Variants in SAAL1 observed in about 807,000 individuals in gnomAD.
The protein encoded by SAAL1 is protein SAAL1.
In SAAL1, 42 loss-of-function variants were observed where a neutral mutation model predicts 59.8. The observed-to-expected ratio is 0.70, with a 90% confidence interval of 0.55 to 0.91. SAAL1 has a LOEUF of 0.91. Among genes scored for constraint, SAAL1 ranks in the 40% least tolerant of loss-of-function variants. The pLI, the probability that SAAL1 is intolerant of heterozygous loss-of-function variation, is 0.00. For synonymous variants in SAAL1, 191 were observed against 194.3 expected (o/e 0.98, Z 0.14); for missense variants, 542 against 561.1 (o/e 0.97, Z 0.34).
In SAAL1 at chr11:18,102,333, C is replaced by T. The variant is rs181193305; in HGVS notation, c.249+900G>A. ...AGGAGAATCACTTGAGCCCTCGAGG[C>T]GGAGATTGCAGTGAGCTGAGATCGC... is the stretch of plus-strand genomic sequence containing the variant. On this transcript the variant is annotated intron_variant, in intron 2 of 11. Coordinates refer to ENST00000524803, the MANE Select transcript of SAAL1 (RefSeq NM_138421.3). Among the ~76,000 whole-genome samples the T allele has an allele frequency of 5.3e-5, 8 of 150,094 alleles. 1 individual carries two copies. In the East Asian group the frequency reaches 1.2e-3, roughly 22 times the overall value.
chr11:18,089,451 G>A lies in SAAL1; in HGVS notation c.649C>T (p.Leu217=), dbSNP rs1848499676. The A allele has an allele frequency of 6.2e-7, 1 of 1,612,728 alleles. No individual in the cohort carries two copies. The highest frequency in any genetic ancestry group is 1.1e-5 in the South Asian group (1 of 90,744). The change falls in exon 7 of 12, where the codon CTA becomes TTA. Residue 217 remains leucine, a synonymous_variant. Coordinates refer to ENST00000524803, the MANE Select transcript of SAAL1 (RefSeq NM_138421.3). ...VDKLFDLDEK[L]MLEWVRNGAA... is the part of the protein sequence containing the mutation. ...CCATTTCTGACCCATTCTAACATTA[G>A]TTTCTCATCCAAATCAAAGAGCTTG...
At chr11:18,080,671 A>G (rs1848399673) in intron 11 of SAAL1, among the ~76,000 whole-genome samples, 180 bp from the exon 12 acceptor site, 1 of 152,200 alleles carries the variant, frequency 6.6e-6, no homozygotes, top group Non-Finnish European at 1.5e-5. Context: ...GGAAATGACT[A>G]TGCTTTCCCA....
intron 2 of SAAL1, among the ~76,000 whole-genome samples, chr11:18,100,086 G>A (rs1265259675): frequency 1.1e-4 from 16 of 152,140 alleles, no homozygotes; most frequent in Admixed American, 1.0e-3. Context: ...TTCACCCTAA[G>A]AGTTCATTTA....
At chr11:18,101,203 C>T (rs1422628034) in intron 2 of SAAL1, among the ~76,000 whole-genome samples, 1 of 152,146 alleles carries the variant, frequency 6.6e-6, no homozygotes, top group African/African-American at 2.4e-5. Flanking sequence ...TAAAAAACTG[C>T]TTAGGAAAAC....
At chr11:18,105,588 G>T (rs572036428) in intron 1 of SAAL1, among the ~76,000 whole-genome samples, 7 of 152,314 alleles carry the variant, frequency 4.6e-5, no homozygotes, top group Non-Finnish European at 1.0e-4. Flanking sequence ...AATGACAGTG[G>T]GGATGGGGAG....
chr11:18,105,862 C>G, intron 1 of SAAL1, 45 bp downstream of exon 1: 1 of 1,521,978 alleles, frequency 6.6e-7, no homozygotes, highest in South Asian at 1.3e-5. Flanking sequence ...GCCCCGGTGC[C>G]TGGGGGATGT....
chr11:18,099,026 G>A (rs190222506), intron 2 of SAAL1, among the ~76,000 whole-genome samples: 3 of 152,324 alleles, frequency 2.0e-5, no homozygotes, highest in African/African-American at 7.2e-5. Context: ...AAAAAGTGTA[G>A]CAACCTGCCC....
chr11:18,103,299 C>G lies in SAAL1; in HGVS notation c.183G>C (p.Gln61His). ...NTKSSSDDEE[Q>H]LTELDEEMEN... ...CCATTTCTTCATCAAGCTCCGTCAG[C>G]TGCTCCTCATCATCTGAGCTAGATT... Residue 61 changes from glutamine (Q) to histidine (H), a missense_variant, in exon 2 of 12, where the codon CAG (glutamine) becomes CAC (histidine). Coordinates refer to ENST00000524803, the MANE Select transcript of SAAL1 (RefSeq NM_138421.3). The G allele has an allele frequency of 6.2e-7, 1 of 1,614,006 alleles. No individual in the cohort carries two copies. Among genetic ancestry groups the G allele is most frequent in the Non-Finnish European group, 8.5e-7 (1 of 1,179,968 alleles).
In SAAL1 at chr11:18,080,344, G is replaced by A. The variant is rs1271761420; in HGVS notation, c.*55C>T. On this transcript the variant is annotated 3_prime_UTR_variant, in exon 12 of 12. Coordinates refer to ENST00000524803, the MANE Select transcript of SAAL1 (RefSeq NM_138421.3). The stretch of plus-strand genomic sequence containing the variant: ...TATTTCCAATAAGTCAATTTCAACT[G>A]TCAGTGAGAAAAATAAAGTTTATTT... The A allele has an allele frequency of 1.8e-6, 2 of 1,093,430 alleles. No homozygotes were observed. Among genetic ancestry groups the A allele is most frequent in the Middle Eastern group, 2.7e-4 (1 of 3,644 alleles). The allele number at this position is 1,093,430 out of a possible 1,614,324, so 67.7% of individuals were successfully genotyped here.
chr11:18,085,240 T>C (rs566310629), intron 9 of SAAL1, among the ~76,000 whole-genome samples: 12 of 152,268 alleles, frequency 7.9e-5, no homozygotes, highest in African/African-American at 2.6e-4. Context: ...AGTGATAAAA[T>C]ATATCTAACT....
chr11:18,097,700 G>T (rs534076274), intron 2 of SAAL1, among the ~76,000 whole-genome samples: 30 of 152,176 alleles, frequency 2.0e-4, no homozygotes, highest in African/African-American at 7.0e-4. Flanking sequence ...TTAGCCAGGT[G>T]TGGTGGCACA....
chr11:18,089,421 C>G lies in SAAL1; in HGVS notation c.679G>C (p.Ala227Pro). ...TCCTGGGGTTGGTCCAGAGGCTGAGCAGCCCCATTTCTGACCCATTCTAAC... is the reference window on the plus strand; with the variant it reads ...TCCTGGGGTTGGTCCAGAGGCTGAGGAGCCCCATTTCTGACCCATTCTAAC... ...LMLEWVRNGA[A>P]QPLDQPQEES... The change falls in exon 7 of 12, where the codon GCT (alanine) becomes CCT (proline). Residue 227 changes from alanine (A) to proline (P), a missense_variant. Physicochemically the swap from Ala to Pro is conservative, Grantham distance 27 (BLOSUM62 -1). Coordinates refer to ENST00000524803, the MANE Select transcript of SAAL1 (RefSeq NM_138421.3). The G allele has an allele frequency of 6.2e-7, 1 of 1,612,188 alleles. No individual in the cohort carries two copies. Among genetic ancestry groups the G allele is most frequent in the Non-Finnish European group, 8.5e-7 (1 of 1,179,318 alleles).
intron 1 of SAAL1, among the ~76,000 whole-genome samples, chr11:18,104,805 C>T (rs1848670844): frequency 6.6e-6 from 1 of 152,020 alleles, no homozygotes; most frequent in East Asian, 1.9e-4. Context: ...TACAAACAGC[C>T]CTGGATTCCA....
chr11:18,097,851 A>C (rs60585166), intron 2 of SAAL1, among the ~76,000 whole-genome samples: 27,322 of 144,412 alleles, frequency 0.19, 3,078 homozygotes, highest in Non-Finnish European at 0.25. Flanking sequence ...AAAAAAAAAA[A>C]AGGTAAAACT....
chr11:18,084,001 A>G lies in SAAL1; in HGVS notation c.1043-270T>C, dbSNP rs1848436947. Among the ~76,000 whole-genome samples, 4 of 152,214 alleles carry G rather than the reference A, an allele frequency of 2.6e-5. No individual in the cohort carries two copies. In the South Asian group the frequency reaches 8.3e-4, roughly 31 times the overall value. ...GCAGGGCTAGCTCTCTGACAAGGTA[A>G]CATTGAGTTGAGAACTAAAGCAATG... is the stretch of plus-strand genomic sequence containing the variant. On this transcript the variant is annotated intron_variant, in intron 9 of 11. Coordinates refer to ENST00000524803, the MANE Select transcript of SAAL1 (RefSeq NM_138421.3).
intron 2 of SAAL1, among the ~76,000 whole-genome samples, chr11:18,101,692 T>C (rs1490815251): frequency 6.6e-6 from 1 of 152,072 alleles, no homozygotes; most frequent in East Asian, 1.9e-4. Context: ...AAAGTATATG[T>C]CCATACACAC....
chr11:18,080,810 T>C (rs1848401320), intron 11 of SAAL1, among the ~76,000 whole-genome samples: 2 of 152,256 alleles, frequency 1.3e-5, no homozygotes, highest in Admixed American at 1.3e-4. Context: ...GGAAATGTGA[T>C]GTCATTTGAA....
At chr11:18,102,138 A>C (rs1239624571) in intron 2 of SAAL1, among the ~76,000 whole-genome samples, 1 of 152,012 alleles carries the variant, frequency 6.6e-6, no homozygotes, top group African/African-American at 2.4e-5. Flanking sequence ...GCGGTGACTC[A>C]CTCCTATAAT....
At chr11:18,099,309 C>T (rs2134064462) in intron 2 of SAAL1, among the ~76,000 whole-genome samples, 1 of 152,302 alleles carries the variant, frequency 6.6e-6, no homozygotes, top group South Asian at 2.1e-4. Flanking sequence ...CATGCTACCT[C>T]TCAGGTATTC....
Sources: allele counts gnomAD v4.1 joint callset (sites outside exome capture counted in the v4.1 genomes callset), GRCh38; gene constraint gnomAD v4.1.1; transcripts MANE v1.5; gene names NCBI Gene and HGNC (gene_info 2026-07-23, HGNC 2026-07-21).